NUP214: variants seen among roughly 807,000 people sequenced by gnomAD.
NUP214 encodes the protein nuclear pore complex protein Nup214.
NUP214 carries 79 observed loss-of-function variants against 196.2 expected under a neutral mutation model. The observed-to-expected ratio is 0.40, with a 90% CI of 0.34 to 0.49. The LOEUF (loss-of-function observed/expected upper bound fraction) is 0.49, where lower values mean the gene tolerates loss of function less well. Among genes scored for constraint, NUP214 ranks in the 20% least tolerant of loss-of-function variants. The pLI is 0.58. For missense variants in NUP214, 2,468 were observed against 2,539.0 expected, an observed-to-expected ratio of 0.97 and a Z score of 0.60; for synonymous variants, 1,020 against 990.5, an observed-to-expected ratio of 1.03 and a Z score of -0.56.
chr9:131,129,142 A>G, intron 3 of NUP214, 137 bp from the exon 4 acceptor site: 1 of 752,174 alleles, frequency 1.3e-6, no homozygotes, highest in Non-Finnish European at 2.1e-6. Context: ...TGCATAAAAC[A>G]ATCTTTTTTT....
chr9:131,226,032 A>G (rs979135621), intron 32 of NUP214, among the ~76,000 whole-genome samples: 1 of 152,124 alleles, frequency 6.6e-6, no homozygotes, highest in African/African-American at 2.4e-5. Flanking sequence ...GATGGGGAAG[A>G]TGAGAGGTGG....
At position 131,192,195 on chromosome 9, in the gene NUP214, T is replaced by TTTA; in HGVS notation, c.3575-13_3575-12insTTA. The TTTA allele has an allele frequency of 1.7e-5, 21 of 1,224,612 alleles. No individual in the cohort carries two copies. The highest frequency in any genetic ancestry group is 2.4e-5 in the Non-Finnish European group (21 of 877,340). The allele number at this position is 1,224,612 out of a possible 1,614,324, so 75.9% of individuals were successfully genotyped here. A position where few individuals can be genotyped will look rare whatever the true frequency, so the allele number is the denominator to read the frequency against. ...TTTTTTTTTTTTTTTTTTTTTTTTT[T>TTTA]CCATAATTTCAGGGACAGCCAAGAT... is the stretch of plus-strand genomic sequence containing the variant. On this transcript the variant is annotated splice_polypyrimidine_tract_variant and intron_variant, in intron 26 of 35. Coordinates refer to ENST00000359428, the MANE Select transcript of NUP214 (RefSeq NM_005085.4).
At chr9:131,194,604 T>G (rs1344552154) in intron 27 of NUP214, among the ~76,000 whole-genome samples, 2 of 152,170 alleles carry the variant, frequency 1.3e-5, no homozygotes, top group African/African-American at 2.4e-5. Flanking sequence ...CTATGGTGTC[T>G]TCACTTACAG....
At position 131,228,232 on chromosome 9, in the gene NUP214, C is replaced by G; in HGVS notation, c.5975C>G (p.Pro1992Arg). 6.2e-7 allele frequency: 1 copy of G among 1,605,774 alleles called. No individual in the cohort carries two copies. The highest frequency in any genetic ancestry group is 8.5e-7 in the Non-Finnish European group (1 of 1,176,878). The change falls in exon 33 of 36, where the codon CCA becomes CGA. Residue 1992 changes from proline to arginine, a missense_variant. Pro to Arg is a moderately radical substitution (Grantham distance 103). Coordinates refer to ENST00000359428, the MANE Select transcript of NUP214 (RefSeq NM_005085.4). Reference protein sequence around the residue: ...FGGSPGFGGVPAFGSAPAFTS... With the variant: ...FGGSPGFGGVRAFGSAPAFTS... Reference sequence around the variant, plus strand: ...GGATCCCCTGGGTTTGGAGGGGTGCCAGCATTCGGTTCAGCCCCAGCCTTT... The same window carrying G: ...GGATCCCCTGGGTTTGGAGGGGTGCGAGCATTCGGTTCAGCCCCAGCCTTT...
At chr9:131,219,290 C>T (rs1357157321) in intron 31 of NUP214, among the ~76,000 whole-genome samples, 1 of 152,174 alleles carries the variant, frequency 6.6e-6, no homozygotes, top group Non-Finnish European at 1.5e-5. Context: ...CTGCGTTTCC[C>T]GAGCTCTGAT....
chr9:131,193,499 C>T (rs1833671215), intron 27 of NUP214, among the ~76,000 whole-genome samples: 1 of 151,544 alleles, frequency 6.6e-6, no homozygotes, highest in Non-Finnish European at 1.5e-5. Context: ...TATTATAAAT[C>T]ATTATGTTTT....
rs757501725 is a variant in NUP214, at chr9:131,144,759, G to A, written c.1769+5G>A. 2 of 1,576,750 alleles carry A rather than the reference G, an allele frequency of 1.3e-6. No individual in the cohort carries two copies. Among genetic ancestry groups the A allele is most frequent in the Non-Finnish European group, 1.7e-6 (2 of 1,157,126 alleles). On this transcript the variant is annotated splice_donor_5th_base_variant and intron_variant, in intron 12 of 35. Coordinates refer to ENST00000359428, the MANE Select transcript of NUP214 (RefSeq NM_005085.4). ...CAAAGTCAACCTTAGTGAAAAGTAA[G>A]TCACTTCTAAAGTTTGATTCTTCTG...
At chr9:131,206,297 A>G (rs1018230773) in intron 30 of NUP214, among the ~76,000 whole-genome samples, 18 of 150,862 alleles carry the variant, frequency 1.2e-4, no homozygotes, top group Non-Finnish European at 2.5e-4. Context: ...AGGTGCACAC[A>G]CTGTGCCTGG....
intron 21 of NUP214, among the ~76,000 whole-genome samples, chr9:131,173,333 G>A (rs970208158): frequency 6.7e-6 from 1 of 148,782 alleles, no homozygotes; most frequent in Admixed American, 6.7e-5. Context: ...TGGGATTACA[G>A]GCTTGAGCCA....
At chr9:131,223,723 A>ATTTTTTTTT (rs1222974193) in intron 32 of NUP214, among the ~76,000 whole-genome samples, 4 of 18,976 alleles carry the variant, frequency 2.1e-4, no homozygotes, top group African/African-American at 3.8e-4. Flanking sequence ...TTATTTATTT[A>ATTTTTTTTT]TTTATTTTTT....
chr9:131,157,352 G>A (rs548206298), intron 17 of NUP214, among the ~76,000 whole-genome samples: 1 of 151,888 alleles, frequency 6.6e-6, no homozygotes, highest in East Asian at 1.9e-4. Context: ...GTAGAGATGG[G>A]GCCTTGCTGT....
At chr9:131,233,348 A>T in intron 35 of NUP214, 106 bp from the exon 36 acceptor site, 1 of 1,175,864 alleles carries the variant, frequency 8.5e-7, no homozygotes, top group Non-Finnish European at 1.2e-6. Context: ...AAAAATAATA[A>T]TAAAAAATCT....
chr9:131,150,836 G>A (rs1241767666), intron 16 of NUP214, 71 bp downstream of exon 16: 2 of 1,405,982 alleles, frequency 1.4e-6, no homozygotes, highest in Non-Finnish European at 1.9e-6. Flanking sequence ...TACTCCATGG[G>A]GTTATGTACT....
intron 31 of NUP214, among the ~76,000 whole-genome samples, chr9:131,217,967 A>G (rs947585692): frequency 6.6e-6 from 1 of 152,198 alleles, no homozygotes; most frequent in Non-Finnish European, 1.5e-5. Context: ...TGGAGTATTT[A>G]TATCATGGAA....
chr9:131,136,852 A>G (rs1181023187), intron 9 of NUP214: 1 of 152,246 alleles, frequency 6.6e-6, no homozygotes, highest in Non-Finnish European at 1.5e-5. Flanking sequence ...AAAGAAGGGA[A>G]ACTTCTTTTT....
rs932353644 is a variant in NUP214 at position 131,233,831 on chromosome 9, C to T, written c.*344C>T. On this transcript the variant is annotated 3_prime_UTR_variant, in exon 36 of 36. Transcript: ENST00000359428. ...CAAGGATGGCATCAGAAGTCACCAG[C>T]GTCGGGTGTTGATAAACAGCATCGA... The T allele has an allele frequency of 2.2e-5, 9 of 408,170 alleles. No individual in the cohort carries two copies. Among genetic ancestry groups the T allele is most frequent in the African/African-American group, 8.0e-5 (4 of 49,796 alleles). The allele number at this position is 408,170 out of a possible 1,614,324, so 25.3% of individuals were successfully genotyped here.
At chr9:131,202,409 A>G (rs1459248466) in intron 30 of NUP214, among the ~76,000 whole-genome samples, 2 of 151,570 alleles carry the variant, frequency 1.3e-5, no homozygotes, top group African/African-American at 2.4e-5. Flanking sequence ...ACACATATAT[A>G]TATTTTTGTT....
chr9:131,144,179 C>G, intron 11 of NUP214, 101 bp from the exon 12 acceptor site: 1 of 933,326 alleles, frequency 1.1e-6, no homozygotes, highest in South Asian at 1.6e-5. Context: ...AGTAACATTT[C>G]TGGCTTTATT....
Position 131,146,139 on chromosome 9 carries a change from G to T in NUP214, c.1780G>T (p.Ala594Ser). 1 of 1,614,102 alleles carries T rather than the reference G, an allele frequency of 6.2e-7. No individual in the cohort carries two copies. The highest frequency in any genetic ancestry group is 8.5e-7 in the Non-Finnish European group (1 of 1,180,000). The part of the protein sequence containing the change: ...KVNLSEKFTA[A>S]ATSTPVSSSQ... The stretch of plus-strand genomic sequence containing the variant: ...GCTGCCATTTTTCAGGTTTACTGCT[G>T]CAGCTACCTCTACTCCTGTTAGTAG... The change falls in exon 13 of 36, where the codon GCA becomes TCA. Residue 594 changes from alanine to serine, a missense_variant. Transcript: ENST00000359428. This position sits in a 1 kb window ranked among gnomAD's most constrained non-coding sequence, Gnocchi z 4.6.
Sources: allele counts gnomAD v4.1 joint callset (sites outside exome capture counted in the v4.1 genomes callset), GRCh38; gene constraint gnomAD v4.1.1; non-coding constraint Gnocchi (gnomAD v3.1); transcripts MANE v1.5; gene names NCBI Gene and HGNC (gene_info 2026-07-23, HGNC 2026-07-21).